The following RBM20 variants were observed in gnomAD, a reference collection of about 807,000 sequenced individuals.
RBM20 encodes the protein RNA-binding protein 20.
A neutral mutation model predicts 110.1 loss-of-function variants in RBM20; 51 were observed. The observed-to-expected ratio is 0.46, with a 90% CI of 0.37 to 0.59. The LOEUF is 0.59. RBM20 is among the 20% of genes least tolerant of loss of function. The pLI, the probability that RBM20 is intolerant of heterozygous loss-of-function variation, is 0.00. For missense variants in RBM20, 1,512 were observed against 1,574.9 expected (o/e 0.96, Z 0.68); for synonymous variants, 589 against 618.2 (o/e 0.95, Z 0.70).
At chr10:110,705,449 G>C (rs371585496) in intron 1 of RBM20, among the ~76,000 whole-genome samples, 2 of 152,134 alleles carry the variant, frequency 1.3e-5, no homozygotes, top group Non-Finnish European at 2.9e-5. Flanking sequence ...TACCAAATCT[G>C]TTTTAACCAG....
intron 12 of RBM20, among the ~76,000 whole-genome samples, chr10:110,827,407 C>T (rs1433848656): frequency 6.9e-6 from 1 of 145,752 alleles, no homozygotes; most frequent in South Asian, 2.2e-4. Flanking sequence ...GGAAAAGAAA[C>T]AAAAAAAAAA....
chr10:110,756,374 C>A (rs140611393), intron 1 of RBM20: 1 of 152,196 alleles, frequency 6.6e-6, no homozygotes, highest in Non-Finnish European at 1.5e-5. Context: ...GCCCTCAGAA[C>A]GCTTCTAGTC....
At chr10:110,703,187 G>A (rs1183297291) in intron 1 of RBM20, among the ~76,000 whole-genome samples, 1 of 151,662 alleles carries the variant, frequency 6.6e-6, no homozygotes, top group Non-Finnish European at 1.5e-5. Flanking sequence ...GACCAGCCTG[G>A]TCAACATGGT....
chr10:110,795,909 G>A (rs2135070551), intron 5 of RBM20, among the ~76,000 whole-genome samples: 1 of 152,330 alleles, frequency 6.6e-6, no homozygotes, highest in South Asian at 2.1e-4. Flanking sequence ...GAGACTGCCA[G>A]GTGGGGGTCG....
intron 1 of RBM20, among the ~76,000 whole-genome samples, chr10:110,759,688 C>T (rs752015286): frequency 1.2e-4 from 19 of 152,046 alleles, no homozygotes; most frequent in Non-Finnish European, 2.5e-4. Context: ...GATTGCCAGG[C>T]GAAAACAGAG....
intron 1 of RBM20, among the ~76,000 whole-genome samples, chr10:110,718,172 C>G (rs1270704031): frequency 6.6e-6 from 1 of 152,224 alleles, no homozygotes; most frequent in Non-Finnish European, 1.5e-5. Flanking sequence ...CAGCACTTCC[C>G]CTTTTTGTTT....
At chr10:110,652,461 C>T (rs1252613842) in intron 1 of RBM20, among the ~76,000 whole-genome samples, 1 of 151,718 alleles carries the variant, frequency 6.6e-6, no homozygotes, top group African/African-American at 2.4e-5. Context: ...CTATTTTTTT[C>T]TTTATCTATT....
At chr10:110,801,695 G>A (rs556050732) in intron 7 of RBM20, among the ~76,000 whole-genome samples, 1 of 125,718 alleles carries the variant, frequency 8.0e-6, no homozygotes, top group Non-Finnish European at 1.6e-5. Flanking sequence ...CACCATGCCT[G>A]GCTACTTTTT....
rs1303486415 is a variant in RBM20, at chr10:110,836,990, A to T, written c.*1012A>T. 1.3e-5 allele frequency: 2 copies of T among 152,212 alleles called. No individual in the cohort carries two copies. Among genetic ancestry groups the T allele is most frequent in the South Asian group, 2.1e-4 (1 of 4,830 alleles). The allele number at this position is 152,212 out of a possible 1,614,324, so 9.4% of individuals were successfully genotyped here. On this transcript the variant is annotated 3_prime_UTR_variant, in exon 14 of 14. Coordinates refer to ENST00000369519, the MANE Select transcript of RBM20 (RefSeq NM_001134363.3). Reference sequence around the variant, plus strand: ...TTAAATGAGCTTATTTAAGTCAAGGAAACATCATCTGTCCTTGATTCAGCC... The same window carrying T: ...TTAAATGAGCTTATTTAAGTCAAGGTAACATCATCTGTCCTTGATTCAGCC...
At chr10:110,742,988 A>G (rs1380584154) in intron 1 of RBM20, among the ~76,000 whole-genome samples, 1 of 152,222 alleles carries the variant, frequency 6.6e-6, no homozygotes, top group African/African-American at 2.4e-5. Context: ...GCTGTCATCA[A>G]GTCAGTTGCA....
intron 1 of RBM20, among the ~76,000 whole-genome samples, chr10:110,677,213 T>C (rs10885012): frequency 0.68 from 103,851 of 152,042 alleles, 37,671 homozygotes; most frequent in Non-Finnish European, 0.8. Context: ...AGTCCCACTC[T>C]CATAATAACC....
At chr10:110,667,954 G>A (rs1253097720) in intron 1 of RBM20, among the ~76,000 whole-genome samples, 1 of 152,152 alleles carries the variant, frequency 6.6e-6, no homozygotes, top group Admixed American at 6.5e-5. Context: ...GAACTGTCCG[G>A]ATTTAACTGA....
intron 12 of RBM20, among the ~76,000 whole-genome samples, chr10:110,826,435 CCTTT>C (rs1434788704): frequency 6.6e-6 from 1 of 152,108 alleles, no homozygotes; most frequent in Admixed American, 6.6e-5. Flanking sequence ...TAAAGGATCT[CCTTT>C]CTGTCACTAA....
At chr10:110,779,668 G>A (rs1844311819) in intron 1 of RBM20, among the ~76,000 whole-genome samples, 1 of 152,204 alleles carries the variant, frequency 6.6e-6, no homozygotes, top group Non-Finnish European at 1.5e-5. Context: ...CTTTCCCCAG[G>A]TAGTGTCAGA....
At chr10:110,682,422 T>C (rs769329180) in intron 1 of RBM20, among the ~76,000 whole-genome samples, 8 of 152,180 alleles carry the variant, frequency 5.3e-5, no homozygotes, top group Non-Finnish European at 7.4e-5. Flanking sequence ...GCAGGCCACA[T>C]GTTCTCTGTT....
At position 110,662,232 on chromosome 10, in the gene RBM20, G is replaced by A. The variant is rs375066301; in HGVS notation, c.191+17587G>A. ...AGCACTGAGAAGCTCTCCTTCCCCA[G>A]TAAACTTTCATTTCCAATTCAGGAA... On this transcript the variant is annotated intron_variant, in intron 1 of 13. Coordinates refer to ENST00000369519, the MANE Select transcript of RBM20 (RefSeq NM_001134363.3). Among the ~76,000 whole-genome samples the A allele has an allele frequency of 3.2e-3, 483 of 152,266 alleles. 2 individuals carry two copies. The highest frequency in any genetic ancestry group is 0.011 in the African/African-American group (462 of 41,552).
intron 1 of RBM20, chr10:110,756,795 C>G (rs1196910315): frequency 6.6e-6 from 1 of 152,216 alleles, no homozygotes; most frequent in African/African-American, 2.4e-5. Context: ...TCCTGGAAAT[C>G]ATTTCATAAT....
At chr10:110,817,368 C>A (rs960722759) in intron 9 of RBM20, among the ~76,000 whole-genome samples, 1 of 152,166 alleles carries the variant, frequency 6.6e-6, no homozygotes, top group South Asian at 2.1e-4. Flanking sequence ...CAGAGTGTAA[C>A]CCCTGGTATA....
chr10:110,785,510 C>G, intron 5 of RBM20, among the ~76,000 whole-genome samples: 1 of 151,910 alleles, frequency 6.6e-6, no homozygotes, highest in East Asian at 1.9e-4. Flanking sequence ...GAGCCGAGAT[C>G]GCACCACTGC....
Sources: allele counts gnomAD v4.1 joint callset (sites outside exome capture counted in the v4.1 genomes callset), GRCh38; gene constraint gnomAD v4.1.1; transcripts MANE v1.5; gene names NCBI Gene and HGNC (gene_info 2026-07-23, HGNC 2026-07-21).